Variants in AGO2 observed in about 807,000 individuals in gnomAD.
AGO2 encodes the protein protein argonaute-2.
Under a neutral mutation model 102.3 loss-of-function variants are expected in AGO2, and 5 were observed. The observed-to-expected ratio is 0.05, with a 90% CI of 0.03 to 0.10. The LOEUF (loss-of-function observed/expected upper bound fraction) is 0.10. Ranked by LOEUF, AGO2 falls within the 10% of genes least tolerant of loss-of-function variation. The pLI, the probability that AGO2 is intolerant of heterozygous loss-of-function variation, is 1.00. For synonymous variants in AGO2, 449 were observed against 473.1 expected, an observed-to-expected ratio of 0.95 and a Z score of 0.66; for missense variants, 541 against 1,183.7, an observed-to-expected ratio of 0.46 and a Z score of 7.97.
intron 3 of AGO2, among the ~76,000 whole-genome samples, chr8:140,566,033 CA>C (rs112182891): frequency 0.017 from 2,188 of 125,712 alleles, 40 homozygotes; most frequent in African/African-American, 0.049. Flanking sequence ...GAAATTGTTT[CA>C]AAAAAAAAAA....
At chr8:140,633,132 C>T (rs1386855468) in intron 1 of AGO2, among the ~76,000 whole-genome samples, 1 of 152,004 alleles carries the variant, frequency 6.6e-6, no homozygotes, top group African/African-American at 2.4e-5. Context: ...AGGATGGTCT[C>T]GATCTCTTGA....
At chr8:140,613,193 C>T (rs2074103095) in intron 1 of AGO2, among the ~76,000 whole-genome samples, 1 of 152,072 alleles carries the variant, frequency 6.6e-6, no homozygotes, top group South Asian at 2.1e-4. Context: ...GAGCAAGACT[C>T]CGTCTCAAAA....
chr8:140,545,799 G>A (rs1000847549), intron 13 of AGO2, among the ~76,000 whole-genome samples: 47 of 152,298 alleles, frequency 3.1e-4, no homozygotes, highest in Middle Eastern at 6.8e-3. Flanking sequence ...CTGCCCTGGC[G>A]TGGCCGAGGC....
rs140321200 is a variant in AGO2 at position 140,548,474 on chromosome 8, C to T, written c.1588+640G>A. On this transcript the variant is annotated intron_variant, in intron 12 of 18. Transcript: ENST00000220592. The stretch of plus-strand genomic sequence containing the variant: ...GACATCAAAGAGCTCCACGGACCCA[C>T]CCCCCGCTATTCCTGGTCTCTTTCA... 3.4e-3 allele frequency among the ~76,000 whole-genome samples: 517 copies of T among 152,220 alleles called. 1 individual carries two copies. Among genetic ancestry groups the T allele is most frequent in the African/African-American group, 0.012 (478 of 41,522 alleles).
chr8:140,595,739 TA>T, intron 1 of AGO2, among the ~76,000 whole-genome samples: 1 of 49,632 alleles, frequency 2.0e-5, no homozygotes, highest in Non-Finnish European at 5.9e-5. Context: ...GTAAATGTTA[TA>T]TATTATATAT....
At chr8:140,559,751 A>G (rs1159927857) in intron 5 of AGO2, among the ~76,000 whole-genome samples, 1 of 152,246 alleles carries the variant, frequency 6.6e-6, no homozygotes, top group Non-Finnish European at 1.5e-5. Context: ...GGTGACAGAA[A>G]GGAGCTGGCT....
chr8:140,589,272 G>T lies in AGO2; in HGVS notation c.23-3961C>A, dbSNP rs146456768. On this transcript the variant is annotated intron_variant, in intron 1 of 18. Coordinates refer to ENST00000220592, the MANE Select transcript of AGO2 (RefSeq NM_012154.5). The surrounding 1 kb of genome is among the most constrained non-coding windows in gnomAD (Gnocchi z 4.2). The stretch of plus-strand genomic sequence containing the variant: ...TCCCCGCAGACGTGTACCCTGAGGC[G>T]GGGAGAGCAGCTGCAGAAATTCAGA... Among the ~76,000 whole-genome samples the T allele has an allele frequency of 6.6e-6, 1 of 152,294 alleles. No individual in the cohort carries two copies. Among genetic ancestry groups the T allele is most frequent in the East Asian group, 1.9e-4 (1 of 5,172 alleles).
chr8:140,548,787 G>A (rs1021966301), intron 12 of AGO2, among the ~76,000 whole-genome samples: 4 of 152,116 alleles, frequency 2.6e-5, no homozygotes, highest in Non-Finnish European at 4.4e-5. Flanking sequence ...CTGGTGCAAC[G>A]CTCTGTGCGT....
At chr8:140,613,118 T>A (rs1159648526) in intron 1 of AGO2, among the ~76,000 whole-genome samples, 3 of 151,996 alleles carry the variant, frequency 2.0e-5, no homozygotes, top group East Asian at 3.9e-4. Context: ...GAGAATGGCG[T>A]GAACCCGGGA....
intron 1 of AGO2, among the ~76,000 whole-genome samples, chr8:140,606,039 T>G (rs970033625): frequency 5.9e-5 from 9 of 152,256 alleles, no homozygotes; most frequent in African/African-American, 1.9e-4. Flanking sequence ...GCAGACTAAG[T>G]TGCTTTTTCG....
At chr8:140,617,298 G>A (rs919155410) in intron 1 of AGO2, among the ~76,000 whole-genome samples, 22 of 151,590 alleles carry the variant, frequency 1.5e-4, no homozygotes, top group African/African-American at 4.6e-4. Context: ...TCGCTCTGTC[G>A]CCCAGGCTGG....
In AGO2 at chr8:140,624,208, G is replaced by A. The variant is rs146766078; in HGVS notation, c.22+11277C>T. On this transcript the variant is annotated intron_variant, in intron 1 of 18. Transcript: ENST00000220592. ...CCAGCAGGTCTCGACTGGGTCACCC[G>A]GCTCTGCCCCCTCTGGAGCCCTGCC... 1.5e-3 allele frequency among the ~76,000 whole-genome samples: 227 copies of A among 152,212 alleles called. 3 individuals are homozygous for A. Among genetic ancestry groups the A allele is most frequent in the Admixed American group, 8.4e-3 (128 of 15,302 alleles).
At chr8:140,640,803 G>A in the AGO2 span, among the ~76,000 whole-genome samples, 11 of 152,320 alleles carry the variant, frequency 7.2e-5, no homozygotes, top group African/African-American at 2.6e-4. Context: ...ACAGGCGTGA[G>A]CCACCACGCC....
rs1272835340 is a variant in AGO2 at position 140,539,722 on chromosome 8, C to A, written c.2035-268G>T. On this transcript the variant is annotated intron_variant, in intron 15 of 18. Transcript: ENST00000220592. The surrounding 1 kb of genome is among the most constrained non-coding windows in gnomAD (Gnocchi z 4.7). ...GGTTGTGTGTGTGCAAGGGGCGCAG[C>A]CAACGCCAGGGATGCAGGCTGGGCT... Among the ~76,000 whole-genome samples the A allele has an allele frequency of 6.6e-6, 1 of 152,234 alleles. No homozygotes were observed. Among genetic ancestry groups the A allele is most frequent in the Non-Finnish European group, 1.5e-5 (1 of 68,046 alleles).
chr8:140,625,845 C>T (rs1403329670), intron 1 of AGO2, among the ~76,000 whole-genome samples: 4 of 152,340 alleles, frequency 2.6e-5, no homozygotes, highest in Middle Eastern at 6.8e-3. Flanking sequence ...CAAAAAGCTT[C>T]CAGGGCCAAC....
rs1443025868 is a variant in AGO2 at position 140,542,188 on chromosome 8, A to G, written c.1840-830T>C. On this transcript the variant is annotated intron_variant, in intron 14 of 18. Transcript: ENST00000220592. ...CGTGAGGGATGAGGTGGCCCAGCCC[A>G]TGGAGGGAACCGGGTAGATCCCCAC... 2.0e-5 allele frequency among the ~76,000 whole-genome samples: 3 copies of G among 152,288 alleles called. No individual in the cohort carries two copies. The East Asian group carries it at 5.8e-4, about 29-fold the overall frequency.
At chr8:140,625,073 A>T (rs2074259376) in intron 1 of AGO2, among the ~76,000 whole-genome samples, 1 of 152,102 alleles carries the variant, frequency 6.6e-6, no homozygotes, top group Non-Finnish European at 1.5e-5. Context: ...GGATCCTTTT[A>T]AAGACTAAGT....
intron 1 of AGO2, among the ~76,000 whole-genome samples, chr8:140,629,163 C>T (rs11783023): frequency 0.7 from 106,921 of 152,028 alleles, 37,933 homozygotes; most frequent in Admixed American, 0.78. Context: ...TCTGGGGCCA[C>T]GGACTTTTTT....
At chr8:140,591,208 G>T (rs1398632633) in intron 1 of AGO2, among the ~76,000 whole-genome samples, 3 of 152,218 alleles carry the variant, frequency 2.0e-5, no homozygotes, top group Non-Finnish European at 4.4e-5. Context: ...TTTCGTTTCT[G>T]TTCTCCCTGA....
Sources: allele counts gnomAD v4.1 joint callset (sites outside exome capture counted in the v4.1 genomes callset), GRCh38; gene constraint gnomAD v4.1.1; non-coding constraint Gnocchi (gnomAD v3.1); transcripts MANE v1.5; gene names NCBI Gene and HGNC (gene_info 2026-07-23, HGNC 2026-07-21).